Variants in SPON1 observed in about 807,000 individuals in gnomAD.
SPON1 encodes spondin 1.
Under a neutral mutation model 111.7 loss-of-function variants are expected in SPON1, and 52 were observed. The ratio of observed to expected loss-of-function variants is 0.47; its 90% CI spans 0.37 to 0.59. SPON1 has a LOEUF of 0.59. Among genes scored for constraint, SPON1 ranks in the 20% least tolerant of loss-of-function variants. The pLI is 0.00. For missense variants in SPON1, 957 were observed against 1,068.5 expected (o/e 0.90, Z 1.46); for synonymous variants, 410 against 395.8 (o/e 1.04, Z -0.43).
At chr11:13,966,715 C>T (rs1848020374) in intron 1 of SPON1, among the ~76,000 whole-genome samples, 1 of 152,210 alleles carries the variant, frequency 6.6e-6, no homozygotes, top group African/African-American at 2.4e-5. Context: ...GTGGACACCT[C>T]AGCCTGGTGG....
chr11:14,053,655 C>A (rs1554918853), intron 3 of SPON1, among the ~76,000 whole-genome samples: 1 of 152,060 alleles, frequency 6.6e-6, no homozygotes, highest in African/African-American at 2.4e-5. Flanking sequence ...ATTTTTTTAA[C>A]CAGGAGATAA....
chr11:13,987,281 T>C (rs982705657), intron 2 of SPON1, among the ~76,000 whole-genome samples: 1 of 152,216 alleles, frequency 6.6e-6, no homozygotes, highest in Admixed American at 6.5e-5. Context: ...TGGTATCTCA[T>C]TGTGGTTTTG....
At chr11:14,147,204 A>AT (rs1310576999) in intron 6 of SPON1, among the ~76,000 whole-genome samples, 21 of 148,462 alleles carry the variant, frequency 1.4e-4, no homozygotes, top group East Asian at 7.9e-4. Context: ...TAATTTTTGT[A>AT]TTTTTTTTTA....
At chr11:13,995,436 G>C (rs537260575) in intron 2 of SPON1, among the ~76,000 whole-genome samples, 1 of 152,294 alleles carries the variant, frequency 6.6e-6, no homozygotes, top group African/African-American at 2.4e-5. Flanking sequence ...AGAAGGCAAA[G>C]GGGGAGCAGT....
At chr11:14,086,777 G>A (rs913214523) in intron 5 of SPON1, among the ~76,000 whole-genome samples, 2 of 152,120 alleles carry the variant, frequency 1.3e-5, no homozygotes, top group Non-Finnish European at 2.9e-5. Context: ...GTCTGGTCCT[G>A]GGCTTTTTTT....
chr11:13,967,893 ATTGT>A (rs1554908191), intron 1 of SPON1, among the ~76,000 whole-genome samples: 1 of 152,234 alleles, frequency 6.6e-6, no homozygotes, highest in East Asian at 1.9e-4. Flanking sequence ...GGTTGTGGAG[ATTGT>A]TTATTGCTCT....
In SPON1 at chr11:14,255,763, T is replaced by C; in HGVS notation, c.1209T>C (p.Val403=). Residue 403 remains valine, a synonymous_variant, in exon 9 of 16, where the codon GTT becomes GTC. Coordinates refer to ENST00000576479, the MANE Select transcript of SPON1 (RefSeq NM_006108.4). ...GGTCCATCACTCAAGTAGCCAGAGT[T>C]GTCATCGAGAGAATCGCACGGAAGG... ...EGGSITQVAR[V]VIERIARKGE... 10 of 1,613,886 alleles carry C rather than the reference T, an allele frequency of 6.2e-6. No individual in the cohort carries two copies. The highest frequency in any genetic ancestry group is 8.5e-6 in the Non-Finnish European group (10 of 1,179,866).
Position 14,239,440 on chromosome 11 carries a change from GTT to G in SPON1, c.826-3890_826-3889del, listed in dbSNP as rs559653942. Among the ~76,000 whole-genome samples, 23 of 152,222 alleles carry G rather than the reference GTT, an allele frequency of 1.5e-4. No homozygotes were observed. In the East Asian group the frequency reaches 4.4e-3, roughly 29 times the overall value. On this transcript the variant is annotated intron_variant, in intron 6 of 15. Coordinates refer to ENST00000576479, the MANE Select transcript of SPON1 (RefSeq NM_006108.4). ...GTCACAAGACTTGCCAAAAAACAGAGTTTGGCAGGGCACGGTGGCTCACACCT... is the reference window on the plus strand; with the variant it reads ...GTCACAAGACTTGCCAAAAAACAGAGTGGCAGGGCACGGTGGCTCACACCT...
chr11:14,115,736 C>T (rs1849262008), intron 5 of SPON1, among the ~76,000 whole-genome samples: 3 of 151,984 alleles, frequency 2.0e-5, no homozygotes, highest in South Asian at 4.1e-4. Flanking sequence ...ATGCTATATC[C>T]ATTCATGTAT....
At chr11:14,101,277 G>A (rs1456157119) in intron 5 of SPON1, among the ~76,000 whole-genome samples, 1 of 151,988 alleles carries the variant, frequency 6.6e-6, no homozygotes, top group African/African-American at 2.4e-5. Context: ...GTGCATGCCT[G>A]TAATCCCAGC....
chr11:14,102,606 A>G (rs1195278801), intron 5 of SPON1, among the ~76,000 whole-genome samples: 1 of 152,244 alleles, frequency 6.6e-6, no homozygotes, highest in Non-Finnish European at 1.5e-5. Context: ...CTAAGATTAT[A>G]TACTGCATTT....
intron 6 of SPON1, among the ~76,000 whole-genome samples, chr11:14,171,093 G>A (rs1848093490): frequency 6.6e-6 from 1 of 152,146 alleles, no homozygotes; most frequent in Admixed American, 6.5e-5. Flanking sequence ...TTGTACCTCT[G>A]GTAGAATTCA....
At chr11:14,058,037 G>A (rs577185448) in intron 3 of SPON1, among the ~76,000 whole-genome samples, 4 of 151,850 alleles carry the variant, frequency 2.6e-5, no homozygotes, top group Admixed American at 2.6e-4. Context: ...AAAGGACTCG[G>A]CAAAATCAGG....
chr11:14,054,680 A>C (rs193270607), intron 3 of SPON1, among the ~76,000 whole-genome samples: 14 of 152,288 alleles, frequency 9.2e-5, no homozygotes, highest in African/African-American at 3.1e-4. Context: ...AAAATCAAAA[A>C]TCAAGGAATG....
In SPON1 at chr11:14,265,702, C is replaced by A. The variant is rs782028263; in HGVS notation, c.*15C>A. ...ATCCTTGTTAGCAAGGGTACGAGTT[C>A]CCCAGGGCTGCACTCTAGATTCCAG... On this transcript the variant is annotated 3_prime_UTR_variant, in exon 16 of 16. Transcript: ENST00000576479. 2 of 1,611,198 alleles carry A rather than the reference C, an allele frequency of 1.2e-6. No homozygotes were observed. Among genetic ancestry groups the A allele is most frequent in the South Asian group, 1.1e-5 (1 of 90,318 alleles).
At chr11:14,212,412 TATC>T (rs1404573418) in intron 6 of SPON1, among the ~76,000 whole-genome samples, 1 of 152,236 alleles carries the variant, frequency 6.6e-6, no homozygotes, top group Non-Finnish European at 1.5e-5. Context: ...TATTATAAAA[TATC>T]ATCCATTTGT....
chr11:14,154,001 T>G (rs1219533844), intron 6 of SPON1, among the ~76,000 whole-genome samples: 1 of 152,210 alleles, frequency 6.6e-6, no homozygotes, highest in African/African-American at 2.4e-5. Flanking sequence ...GCCATACTGA[T>G]GCAAATGATG....
At chr11:13,992,603 G>A (rs1554911322) in intron 2 of SPON1, among the ~76,000 whole-genome samples, 1 of 152,156 alleles carries the variant, frequency 6.6e-6, no homozygotes, top group African/African-American at 2.4e-5. Flanking sequence ...CACCACCGGG[G>A]TATGGAAGAA....
At chr11:14,070,800 A>G (rs117474797) in intron 3 of SPON1, among the ~76,000 whole-genome samples, 2,649 of 152,250 alleles carry the variant, frequency 0.017, 43 homozygotes, top group Admixed American at 0.054. Context: ...CTCAGGAAAA[A>G]GAGTGGTAAA....
Sources: gnomAD v4.1 joint callset for allele counts (sites outside exome capture counted in the v4.1 genomes callset) on GRCh38, gnomAD v4.1.1 for gene constraint, MANE v1.5 for transcripts, NCBI Gene and HGNC (gene_info 2026-07-23, HGNC 2026-07-21) for gene names.